HTR7: variants seen among roughly 807,000 people sequenced by gnomAD.
HTR7 encodes the protein 5-HT-7.
In HTR7, 16 loss-of-function variants were observed where a neutral mutation model predicts 34.0. That is an observed-to-expected ratio of 0.47 (90% CI 0.32 to 0.71). The LOEUF is 0.71. Ranked by LOEUF, HTR7 falls within the 30% of genes least tolerant of loss-of-function variation. The pLI is 0.04. For synonymous variants in HTR7, 265 were observed against 260.2 expected (o/e 1.02, Z -0.18); for missense variants, 504 against 625.5 (o/e 0.81, Z 2.07).
rs1844699101 is a variant in HTR7, at chr10:90,749,428, C to G, written c.706G>C (p.Asp236His). ...GTAGAGTAAATCGTATAGCCAAAGT[C>G]CTGGCTGATCAAGCACACCTTATCA... ...NDDKVCLISQ[D>H]FGYTIYSTAV... The change falls in exon 2 of 4, where the codon GAC becomes CAC. Residue 236 changes from aspartate to histidine, a missense_variant. Asp to His is a moderately conservative substitution (Grantham distance 81). Transcript: ENST00000336152. This position sits in a 1 kb window ranked among gnomAD's most constrained non-coding sequence, Gnocchi z 4.2. 2 of 1,614,142 alleles carry G rather than the reference C, an allele frequency of 1.2e-6. No homozygotes were observed. The highest frequency in any genetic ancestry group is 1.7e-6 in the Non-Finnish European group (2 of 1,180,016).
At chr10:90,856,995 G>A in intron 1 of HTR7, 138 bp downstream of exon 1, 1 of 750,450 alleles carries the variant, frequency 1.3e-6, no homozygotes, top group Non-Finnish European at 2.1e-6. Flanking sequence ...GGGTGGATTG[G>A]GGGGAGCGGT....
chr10:90,849,840 C>T (rs1193555241), intron 1 of HTR7, among the ~76,000 whole-genome samples: 2 of 152,204 alleles, frequency 1.3e-5, no homozygotes, highest in South Asian at 2.1e-4. Context: ...CTCACACACG[C>T]ATGCACGCTA....
At chr10:90,845,247 T>C (rs982950330) in intron 1 of HTR7, among the ~76,000 whole-genome samples, 1 of 152,138 alleles carries the variant, frequency 6.6e-6, no homozygotes, top group African/African-American at 2.4e-5. Context: ...TCTGTTCTGA[T>C]GTAGTGTTGA....
intron 1 of HTR7, among the ~76,000 whole-genome samples, chr10:90,839,229 G>A (rs1259133643): frequency 6.6e-6 from 1 of 152,150 alleles, no homozygotes; most frequent in Non-Finnish European, 1.5e-5. Flanking sequence ...TCATCAGTAT[G>A]AAAGAATTTT....
intron 1 of HTR7, among the ~76,000 whole-genome samples, chr10:90,760,962 A>G (rs112104644): frequency 1.3e-5 from 2 of 152,330 alleles, no homozygotes; most frequent in African/African-American, 4.8e-5. Flanking sequence ...AAAAAATAGT[A>G]GCTCTGACTG....
intron 1 of HTR7, among the ~76,000 whole-genome samples, chr10:90,773,808 C>G (rs1161671316): frequency 6.6e-6 from 1 of 152,110 alleles, no homozygotes; most frequent in Non-Finnish European, 1.5e-5. Context: ...TTGAATAGTA[C>G]TGCATTGCGT....
At chr10:90,822,240 TATAAAGA>T (rs1312265422) in intron 1 of HTR7, among the ~76,000 whole-genome samples, 1 of 152,200 alleles carries the variant, frequency 6.6e-6, no homozygotes, top group East Asian at 1.9e-4. Flanking sequence ...CTGAAAGTGA[TATAAAGA>T]ATAAAGTCCA....
intron 1 of HTR7, among the ~76,000 whole-genome samples, chr10:90,811,002 T>C (rs552511874): frequency 3.3e-5 from 5 of 152,308 alleles, no homozygotes; most frequent in African/African-American, 1.2e-4. Context: ...AAAACCATTA[T>C]ATAAACTCAC....
At chr10:90,802,296 T>C (rs1178840151) in intron 1 of HTR7, among the ~76,000 whole-genome samples, 3 of 152,256 alleles carry the variant, frequency 2.0e-5, no homozygotes, top group Non-Finnish European at 4.4e-5. Context: ...ACACATAATA[T>C]TTTAAGTAAC....
intron 1 of HTR7, among the ~76,000 whole-genome samples, chr10:90,850,590 G>C (rs1293582108): frequency 4.6e-5 from 7 of 152,004 alleles, no homozygotes; most frequent in African/African-American, 1.5e-4. Context: ...ATTGGAGTCA[G>C]GAAACGAAGA....
intron 1 of HTR7, among the ~76,000 whole-genome samples, chr10:90,788,313 G>C (rs78006008): frequency 0.015 from 2,320 of 152,228 alleles, 74 homozygotes; most frequent in African/African-American, 0.052. Flanking sequence ...AATAGATCCA[G>C]CTTTGGTATT....
intron 1 of HTR7, among the ~76,000 whole-genome samples, chr10:90,822,670 T>A (rs66795651): frequency 1.3e-5 from 2 of 149,784 alleles, no homozygotes; most frequent in Non-Finnish European, 3.0e-5. Flanking sequence ...GCCAAGACAA[T>A]GGGGAATATG....
In HTR7 at chr10:90,857,475, T is replaced by G. The variant is rs761782243; in HGVS notation, c.197A>C (p.Asn66Thr). Residue 66 changes from asparagine to threonine, a missense_variant, in exon 1 of 4, where the codon AAT (asparagine) becomes ACT (threonine). Transcript: ENST00000336152. This position sits in a 1 kb window ranked among gnomAD's most constrained non-coding sequence, Gnocchi z 6.5. ...PAPTWDAPPD[N>T]ASGCGEQINY... ...GATCTGTTCCCCACAGCCGGAGGCA[T>G]TGTCCGGGGGCGCGTCCCAGGTGGG... The G allele has an allele frequency of 6.2e-7, 1 of 1,613,702 alleles. No homozygotes were observed. The highest frequency in any genetic ancestry group is 1.1e-5 in the South Asian group (1 of 91,088).
intron 1 of HTR7, among the ~76,000 whole-genome samples, chr10:90,802,342 T>C (rs1315086005): frequency 6.6e-6 from 1 of 152,150 alleles, no homozygotes; most frequent in Non-Finnish European, 1.5e-5. Flanking sequence ...TTGAGAGGAG[T>C]TTTGACTTAA....
At chr10:90,831,590 T>TCG (rs1846180109) in intron 1 of HTR7, among the ~76,000 whole-genome samples, 1 of 152,210 alleles carries the variant, frequency 6.6e-6, no homozygotes, top group Admixed American at 6.5e-5. Context: ...CACTGCTGGC[T>TCG]CGCGCAGCCT....
intron 1 of HTR7, among the ~76,000 whole-genome samples, chr10:90,808,213 C>T (rs1472430139): frequency 1.3e-5 from 2 of 152,066 alleles, no homozygotes; most frequent in Non-Finnish European, 2.9e-5. Context: ...GGGCAAGTAC[C>T]CCAACCCCTT....
intron 1 of HTR7, among the ~76,000 whole-genome samples, chr10:90,846,475 G>T (rs1235841129): frequency 6.6e-6 from 1 of 152,184 alleles, no homozygotes; most frequent in Non-Finnish European, 1.5e-5. Flanking sequence ...AGAAGTCAAG[G>T]TTCCAGCAAT....
At chr10:90,852,691 TA>T (rs1187244229) in intron 1 of HTR7, among the ~76,000 whole-genome samples, 1 of 152,158 alleles carries the variant, frequency 6.6e-6, no homozygotes, top group Non-Finnish European at 1.5e-5. Flanking sequence ...ACTGATAGGC[TA>T]AAAACTACAG....
intron 1 of HTR7, among the ~76,000 whole-genome samples, chr10:90,806,741 A>C (rs1215155854): frequency 1.3e-5 from 2 of 152,224 alleles, no homozygotes; most frequent in African/African-American, 4.8e-5. Context: ...CAAACTAATA[A>C]GGAAAAAGAG....
Sources: allele counts gnomAD v4.1 joint callset (sites outside exome capture counted in the v4.1 genomes callset), GRCh38; gene constraint gnomAD v4.1.1; non-coding constraint Gnocchi (gnomAD v3.1); transcripts MANE v1.5; gene names NCBI Gene and HGNC (gene_info 2026-07-23, HGNC 2026-07-21).